WWC2: variants seen among roughly 807,000 people sequenced by gnomAD.
WWC2 encodes WW and C2 domain containing 2.
A neutral mutation model predicts 138.5 loss-of-function variants in WWC2; 101 were observed. The ratio of observed to expected loss-of-function variants is 0.73; its 90% CI spans 0.62 to 0.86. The LOEUF is 0.86. Ranked by LOEUF, WWC2 falls within the 40% of genes least tolerant of loss-of-function variation. The pLI, the probability that WWC2 is intolerant of heterozygous loss-of-function variation, is 0.00. For synonymous variants in WWC2, 558 were observed against 538.4 expected (o/e 1.04, Z -0.50); for missense variants, 1,420 against 1,419.4 (o/e 1.00, Z -0.01).
chr4:183,271,517 G>A lies in WWC2; in HGVS notation c.2562+276G>A, dbSNP rs933190796. ...ATAAACTGACATAGGGGCTTCACTG[G>A]TTTTAAGTGATCATGGAAAAAACCT... On this transcript the variant is annotated intron_variant, in intron 16 of 22. Coordinates refer to ENST00000403733, the MANE Select transcript of WWC2 (RefSeq NM_024949.6). Among the ~76,000 whole-genome samples the A allele has an allele frequency of 2.0e-5, 3 of 152,272 alleles. No homozygotes were observed. In the South Asian group the frequency reaches 6.2e-4, roughly 32 times the overall value.
chr4:183,305,244 GAAC>G (rs1439515357), intron 21 of WWC2, among the ~76,000 whole-genome samples: 1 of 152,072 alleles, frequency 6.6e-6, no homozygotes, highest in Non-Finnish European at 1.5e-5. Context: ...AAAAAAAAAG[GAAC>G]AGAACATCCA....
chr4:183,107,654 G>A (rs1732074158), intron 1 of WWC2, among the ~76,000 whole-genome samples: 1 of 152,078 alleles, frequency 6.6e-6, no homozygotes, highest in South Asian at 2.1e-4. Context: ...TAAAAAGTTA[G>A]GTAAGAGAAG....
chr4:183,265,724 G>C lies in WWC2; in HGVS notation c.2076G>C (p.Glu692Asp). The change falls in exon 13 of 23, where the codon GAG becomes GAC. Residue 692 changes from glutamate (E) to aspartate (D), a missense_variant. Transcript: ENST00000403733. The stretch of plus-strand genomic sequence containing the variant: ...TGGAAGATGTCACATACAGTGAAGA[G>C]GATGTAGCCATTGTAGAGACCGCCC... ...SEMEDVTYSEEDVAIVETAQV... is the reference protein window; with the variant it reads ...SEMEDVTYSEDDVAIVETAQV... 6.2e-7 allele frequency: 1 copy of C among 1,612,024 alleles called. No homozygotes were observed. Among genetic ancestry groups the C allele is most frequent in the Non-Finnish European group, 8.5e-7 (1 of 1,179,124 alleles).
chr4:183,244,108 A>G (rs1736696770), intron 5 of WWC2, among the ~76,000 whole-genome samples: 1 of 152,232 alleles, frequency 6.6e-6, no homozygotes, highest in African/African-American at 2.4e-5. Context: ...TTCAGTAGGT[A>G]CTATTTCTCT....
chr4:183,230,453 G>T (rs920784566), intron 4 of WWC2, among the ~76,000 whole-genome samples: 2 of 152,192 alleles, frequency 1.3e-5, no homozygotes, highest in African/African-American at 4.8e-5. Flanking sequence ...AAAGTAGATG[G>T]ATCACTTGAG....
chr4:183,173,281 G>A (rs1037568980), intron 1 of WWC2, among the ~76,000 whole-genome samples: 1 of 152,056 alleles, frequency 6.6e-6, no homozygotes, highest in Non-Finnish European at 1.5e-5. Context: ...CAAACTCTCA[G>A]GCTTAAGAGA....
At chr4:183,307,444 T>C (rs1007494285) in intron 21 of WWC2, among the ~76,000 whole-genome samples, 2 of 152,196 alleles carry the variant, frequency 1.3e-5, no homozygotes, top group Admixed American at 1.3e-4. Flanking sequence ...TCCCAACTTA[T>C]TCTGTGAGGC....
At chr4:183,257,387 C>T (rs983404793) in intron 9 of WWC2, among the ~76,000 whole-genome samples, 3 of 152,162 alleles carry the variant, frequency 2.0e-5, no homozygotes, top group Non-Finnish European at 4.4e-5. Context: ...CCAGGCTGTG[C>T]TTCTCTCCTG....
intron 16 of WWC2, among the ~76,000 whole-genome samples, chr4:183,272,435 A>G (rs1737721100): frequency 6.6e-6 from 1 of 152,220 alleles, no homozygotes; most frequent in East Asian, 1.9e-4. Context: ...TACATCATAC[A>G]TTTCACCCAT....
chr4:183,312,329 TC>T lies in WWC2; in HGVS notation c.3385-9del. 5.0e-6 allele frequency: 8 copies of T among 1,611,774 alleles called. No homozygotes were observed. The highest frequency in any genetic ancestry group is 6.8e-6 in the Non-Finnish European group (8 of 1,178,672). ...TTTTGTGTGTTTCTTACATTTTTAT[TC>T]CCTTTTCCAGGCTGAACAGTCCAAA... On this transcript the variant is annotated splice_polypyrimidine_tract_variant and intron_variant, in intron 21 of 22. Transcript: ENST00000403733.
intron 1 of WWC2, among the ~76,000 whole-genome samples, chr4:183,133,048 C>T (rs1206052778): frequency 1.3e-5 from 2 of 151,276 alleles, no homozygotes; most frequent in African/African-American, 2.4e-5. Context: ...TTTTCCCTTC[C>T]CTTTTTTCCT....
intron 1 of WWC2, among the ~76,000 whole-genome samples, chr4:183,147,877 C>T (rs1733508087): frequency 6.6e-6 from 1 of 152,166 alleles, no homozygotes; most frequent in Admixed American, 6.5e-5. Context: ...TATATTTGCA[C>T]ATGCTAACAT....
At chr4:183,165,243 G>A (rs1030505407) in intron 1 of WWC2, among the ~76,000 whole-genome samples, 4 of 152,152 alleles carry the variant, frequency 2.6e-5, no homozygotes, top group Non-Finnish European at 5.9e-5. Flanking sequence ...ACACATTCAT[G>A]TCAGGGCTTT....
intron 1 of WWC2, among the ~76,000 whole-genome samples, chr4:183,183,581 A>G (rs1304615356): frequency 6.6e-6 from 1 of 152,182 alleles, no homozygotes; most frequent in African/African-American, 2.4e-5. Context: ...CAGGAGTTTG[A>G]GACCATCCTG....
intron 14 of WWC2, among the ~76,000 whole-genome samples, chr4:183,267,504 C>A (rs1432174235): frequency 6.6e-6 from 1 of 152,156 alleles, no homozygotes; most frequent in Non-Finnish European, 1.5e-5. Context: ...GAGACTGAAA[C>A]AATAAACAGT....
In WWC2 at chr4:183,099,403, G is replaced by T. The variant is rs1743081688; in HGVS notation, c.-89G>T. On this transcript the variant is annotated 5_prime_UTR_variant, in exon 1 of 23. Coordinates refer to ENST00000403733, the MANE Select transcript of WWC2 (RefSeq NM_024949.6). ...GCCCCTCGCCGGCGCCCGCGTCGCG[G>T]GTTGGCAGCCTAGCCCGGCAGCCGC... is the stretch of plus-strand genomic sequence containing the variant. 2.6e-6 allele frequency: 3 copies of T among 1,153,928 alleles called. No homozygotes were observed. Among genetic ancestry groups the T allele is most frequent in the South Asian group, 4.3e-5 (1 of 23,248 alleles). The allele number at this position is 1,153,928 out of a possible 1,614,324, so 71.5% of individuals were successfully genotyped here. A position where few individuals can be genotyped will look rare whatever the true frequency, so the allele number is the denominator to read the frequency against.
chr4:183,288,645 A>G (rs528194362), intron 20 of WWC2, among the ~76,000 whole-genome samples: 1 of 152,190 alleles, frequency 6.6e-6, no homozygotes, highest in Non-Finnish European at 1.5e-5. Flanking sequence ...TTCTCTTCCT[A>G]GTACTTTGCC....
At chr4:183,302,535 G>C (rs1560895320) in intron 21 of WWC2, among the ~76,000 whole-genome samples, 1 of 151,640 alleles carries the variant, frequency 6.6e-6, no homozygotes, top group Non-Finnish European at 1.5e-5. Context: ...CTCTCTCTCT[G>C]TCAGGTACAG....
chr4:183,113,540 A>T (rs1003025967), intron 1 of WWC2, among the ~76,000 whole-genome samples: 2 of 147,858 alleles, frequency 1.4e-5, no homozygotes, highest in African/African-American at 4.9e-5. Context: ...GCGCACATGC[A>T]CGTGCATGCA....
Sources: gnomAD v4.1 joint callset for allele counts (sites outside exome capture counted in the v4.1 genomes callset) on GRCh38, gnomAD v4.1.1 for gene constraint, MANE v1.5 for transcripts, NCBI Gene and HGNC (gene_info 2026-07-23, HGNC 2026-07-21) for gene names.